Variants in PREX2 observed in about 807,000 individuals in gnomAD.
PREX2 encodes phosphatidylinositol-3,4,5-trisphosphate dependent Rac exchange factor 2.
A neutral mutation model predicts 203.2 loss-of-function variants in PREX2; 107 were observed. The observed-to-expected ratio is 0.53, with a 90% CI of 0.45 to 0.62. PREX2 has a LOEUF of 0.62. Ranked by LOEUF, PREX2 falls within the 20% of genes least tolerant of loss-of-function variation. The pLI is 0.00. For missense variants in PREX2, 1,777 were observed against 1,955.9 expected, an observed-to-expected ratio of 0.91 and a Z score of 1.72; for synonymous variants, 672 against 663.6, an observed-to-expected ratio of 1.01 and a Z score of -0.19.
At chr8:68,016,098 G>A (rs1807402751) in intron 1 of PREX2, among the ~76,000 whole-genome samples, 1 of 152,100 alleles carries the variant, frequency 6.6e-6, no homozygotes, top group South Asian at 2.1e-4. Context: ...ATTTTAAATA[G>A]TCTTGTTCCT....
chr8:68,147,647 A>G (rs1016790962), intron 34 of PREX2, among the ~76,000 whole-genome samples: 4 of 152,234 alleles, frequency 2.6e-5, no homozygotes, highest in Non-Finnish European at 4.4e-5. Flanking sequence ...TATCAGCAGC[A>G]TGAAAACAGA....
chr8:68,067,547 T>C (rs1027585323), intron 11 of PREX2, among the ~76,000 whole-genome samples: 2 of 152,190 alleles, frequency 1.3e-5, no homozygotes, highest in Middle Eastern at 6.8e-3. Flanking sequence ...CCATAGTGCA[T>C]TGTTAGTATA....
At chr8:68,192,624 A>G in intron 37 of PREX2, 99 bp downstream of exon 37, 1 of 858,480 alleles carries the variant, frequency 1.2e-6, no homozygotes, top group African/African-American at 1.7e-5. Context: ...AACTGGAAAC[A>G]TTCAAAGACT....
chr8:68,190,382 C>G (rs2033582), intron 35 of PREX2, among the ~76,000 whole-genome samples: 2 of 152,036 alleles, frequency 1.3e-5, no homozygotes, highest in Non-Finnish European at 2.9e-5. Flanking sequence ...CTTGAGAATG[C>G]TCAAAACGGC....
rs73257963 is a variant in PREX2, at chr8:67,986,310, C to T, written c.142-31536C>T. On this transcript the variant is annotated intron_variant, in intron 1 of 39. Transcript: ENST00000288368. The stretch of plus-strand genomic sequence containing the variant: ...GAAATTAGAGAAATTCCCAGAATCA[C>T]CCAGCTCGGAAGTAGCAGAGCTTGG... 1.5e-3 allele frequency among the ~76,000 whole-genome samples: 223 copies of T among 151,862 alleles called. 3 individuals are homozygous for T. Among genetic ancestry groups the T allele is most frequent in the African/African-American group, 5.0e-3 (206 of 41,406 alleles).
chr8:68,133,649 G>T (rs1469692666), intron 31 of PREX2, among the ~76,000 whole-genome samples: 1 of 152,054 alleles, frequency 6.6e-6, no homozygotes, highest in African/African-American at 2.4e-5. Flanking sequence ...TAATAATATT[G>T]TATCTAATTT....
intron 1 of PREX2, among the ~76,000 whole-genome samples, chr8:67,953,721 C>T (rs1585649087): frequency 1.3e-5 from 2 of 152,098 alleles, no homozygotes; most frequent in East Asian, 1.9e-4. Flanking sequence ...GTACAGGCTG[C>T]GTTATGGTTG....
intron 37 of PREX2, among the ~76,000 whole-genome samples, chr8:68,215,683 C>G (rs531891676): frequency 6.8e-6 from 1 of 148,016 alleles, no homozygotes; most frequent in African/African-American, 2.6e-5. Context: ...TACAGGCACC[C>G]ACCACCACCA....
At chr8:68,039,458 C>T (rs1004461483) in intron 7 of PREX2, among the ~76,000 whole-genome samples, 9 of 152,116 alleles carry the variant, frequency 5.9e-5, no homozygotes, top group African/African-American at 2.2e-4. Context: ...GCATTTGACT[C>T]GTTTTCCCTC....
chr8:67,962,865 C>T (rs1199286354), intron 1 of PREX2, among the ~76,000 whole-genome samples: 1 of 152,072 alleles, frequency 6.6e-6, no homozygotes, highest in African/African-American at 2.4e-5. Flanking sequence ...GTCTCGGCCT[C>T]CCAAAGTGCT....
chr8:68,164,365 T>TAC (rs964065597), intron 35 of PREX2, among the ~76,000 whole-genome samples: 7 of 120,610 alleles, frequency 5.8e-5, no homozygotes, highest in South Asian at 2.7e-4. Context: ...TATATATATA[T>TAC]ACACACACAC....
At chr8:68,186,503 CA>C (rs1295421480) in intron 35 of PREX2, among the ~76,000 whole-genome samples, 2 of 152,020 alleles carry the variant, frequency 1.3e-5, no homozygotes, top group African/African-American at 4.8e-5. Context: ...TGCTATATAG[CA>C]GGGTTTTTTT....
chr8:68,022,555 T>C (rs989022775), intron 4 of PREX2, among the ~76,000 whole-genome samples: 1 of 152,208 alleles, frequency 6.6e-6, no homozygotes, highest in African/African-American at 2.4e-5. Flanking sequence ...TACATACATT[T>C]CTTATTTTGT....
intron 39 of PREX2, among the ~76,000 whole-genome samples, chr8:68,230,796 ACT>A (rs1029615789): frequency 2.0e-5 from 3 of 152,010 alleles, no homozygotes; most frequent in Admixed American, 1.3e-4. Context: ...TCCTTAGGAA[ACT>A]CTAGCCAATT....
chr8:68,047,482 T>TATATATATATATATATATACACATAC (rs1158207821), intron 8 of PREX2, among the ~76,000 whole-genome samples: 191 of 94,892 alleles, frequency 2.0e-3, no homozygotes, highest in Non-Finnish European at 2.9e-3. Flanking sequence ...TATATATATA[T>TATATATATATATATATATACACATAC]ATATATATAT....
chr8:68,066,051 A>G (rs559126415), intron 11 of PREX2, among the ~76,000 whole-genome samples: 24 of 152,320 alleles, frequency 1.6e-4, no homozygotes, highest in Non-Finnish European at 2.4e-4. Context: ...AGAACATTTA[A>G]GATCTACTCT....
At chr8:68,075,028 T>C (rs1180990624) in intron 14 of PREX2, among the ~76,000 whole-genome samples, 1 of 152,222 alleles carries the variant, frequency 6.6e-6, no homozygotes, top group Non-Finnish European at 1.5e-5. Flanking sequence ...TGTGCAGTAA[T>C]ATACCTTTAA....
At chr8:68,064,746 G>T (rs141068117) in intron 11 of PREX2, among the ~76,000 whole-genome samples, 2 of 151,964 alleles carry the variant, frequency 1.3e-5, no homozygotes, top group Admixed American at 1.3e-4. Context: ...CTATGCTGTC[G>T]AGGTTATTTG....
chr8:68,000,905 G>C (rs1006663138), intron 1 of PREX2, among the ~76,000 whole-genome samples: 3 of 152,142 alleles, frequency 2.0e-5, no homozygotes, highest in African/African-American at 7.2e-5. Flanking sequence ...ATCTGCAGAA[G>C]ATTGAAACTA....
Sources: gnomAD v4.1 joint callset for allele counts (sites outside exome capture counted in the v4.1 genomes callset) on GRCh38, gnomAD v4.1.1 for gene constraint, MANE v1.5 for transcripts, NCBI Gene and HGNC (gene_info 2026-07-23, HGNC 2026-07-21) for gene names.